FBXL7: variants seen among roughly 807,000 people sequenced by gnomAD.
The protein encoded by FBXL7 is F-box and leucine rich repeat protein 7.
In FBXL7, 12 loss-of-function variants were observed where a neutral mutation model predicts 38.3. The ratio of observed to expected loss-of-function variants is 0.31; its 90% CI spans 0.20 to 0.51. FBXL7 has a LOEUF of 0.51. Ranked by LOEUF, FBXL7 falls within the 20% of genes least tolerant of loss-of-function variation. The probability of loss-of-function intolerance (pLI) is 0.98; values close to 1 mark genes in which losing one functional copy is unlikely to be tolerated. For synonymous variants in FBXL7, 297 were observed against 300.9 expected (o/e 0.99, Z 0.13); for missense variants, 567 against 676.4 (o/e 0.84, Z 1.79).
At position 15,525,395 on chromosome 5, in the gene FBXL7, C is replaced by T. The variant is rs564631843; in HGVS notation, c.37+24682C>T. On this transcript the variant is annotated intron_variant, in intron 1 of 3. Coordinates refer to ENST00000504595, the MANE Select transcript of FBXL7 (RefSeq NM_012304.5). The stretch of plus-strand genomic sequence containing the variant: ...TTTAAAAAATCCCTAACAATGGTTT[C>T]GTTTTATTGTGATACCTTAGTCCTG... Among the ~76,000 whole-genome samples, 12 of 152,218 alleles carry T rather than the reference C, an allele frequency of 7.9e-5. No homozygotes were observed. In the South Asian group the frequency reaches 1.7e-3, roughly 21 times the overall value.
intron 1 of FBXL7, among the ~76,000 whole-genome samples, chr5:15,539,548 TGAGG>T (rs1355005372): frequency 6.6e-6 from 1 of 152,154 alleles, no homozygotes; most frequent in Admixed American, 6.5e-5. Flanking sequence ...CTTCTATTGA[TGAGG>T]GAGGCAGACT....
chr5:15,601,361 G>A (rs1318404279), intron 1 of FBXL7, among the ~76,000 whole-genome samples: 3 of 152,132 alleles, frequency 2.0e-5, no homozygotes, highest in African/African-American at 7.2e-5. Flanking sequence ...AAATTCTTGT[G>A]TTAATGCATG....
At chr5:15,791,380 CAAATA>C (rs1255195057) in intron 2 of FBXL7, among the ~76,000 whole-genome samples, 33 of 152,130 alleles carry the variant, frequency 2.2e-4, no homozygotes, top group Admixed American at 2.2e-3. Flanking sequence ...TTTGATAACT[CAAATA>C]AAAACTGTTT....
At position 15,500,630 on chromosome 5, in the gene FBXL7, C is replaced by G. The variant is rs376917463; in HGVS notation, c.-47C>G. On this transcript the variant is annotated 5_prime_UTR_variant, in exon 1 of 4. Transcript: ENST00000504595. Reference sequence around the variant, plus strand: ...CGGGCCGAGCGCGCAGGACGTGCGCCGCAGCTATGGAGTGTCCCGGGAGAC... The same window carrying G: ...CGGGCCGAGCGCGCAGGACGTGCGCGGCAGCTATGGAGTGTCCCGGGAGAC... The G allele has an allele frequency of 3.1e-6, 5 of 1,612,822 alleles. No individual in the cohort carries two copies. The highest frequency in any genetic ancestry group is 1.1e-5 in the South Asian group (1 of 91,060).
intron 2 of FBXL7, among the ~76,000 whole-genome samples, chr5:15,859,963 A>G (rs968539012): frequency 5.9e-5 from 9 of 152,242 alleles, no homozygotes; most frequent in Admixed American, 3.3e-4. Flanking sequence ...CTCTTTATCA[A>G]TAAAACTCAT....
intron 1 of FBXL7, among the ~76,000 whole-genome samples, chr5:15,589,034 G>GT (rs1739387605): frequency 1.3e-5 from 2 of 152,232 alleles, no homozygotes; most frequent in Admixed American, 6.5e-5. Context: ...TCTTGTTGTT[G>GT]TAACTAATAG....
intron 2 of FBXL7, among the ~76,000 whole-genome samples, chr5:15,654,947 C>T (rs13185548): frequency 0.35 from 52,907 of 152,004 alleles, 9,428 homozygotes; most frequent in East Asian, 0.5. Context: ...AGTATGTACA[C>T]GCTAGAAAAT....
chr5:15,711,949 T>TA (rs1743888880), intron 2 of FBXL7, among the ~76,000 whole-genome samples: 2 of 152,258 alleles, frequency 1.3e-5, no homozygotes, highest in South Asian at 4.2e-4. Context: ...CGAACCATAT[T>TA]AAAAAATAAA....
At chr5:15,723,498 A>G (rs1744259287) in intron 2 of FBXL7, among the ~76,000 whole-genome samples, 1 of 152,192 alleles carries the variant, frequency 6.6e-6, no homozygotes, top group South Asian at 2.1e-4. Flanking sequence ...CCATGGTATA[A>G]ATACTCCTAC....
chr5:15,564,556 A>G (rs565572573), intron 1 of FBXL7, among the ~76,000 whole-genome samples: 1 of 152,200 alleles, frequency 6.6e-6, no homozygotes, highest in Non-Finnish European at 1.5e-5. Context: ...AATAGCAGGA[A>G]ATGAAAAAGG....
chr5:15,711,917 G>T (rs1730799375), intron 2 of FBXL7, among the ~76,000 whole-genome samples: 1 of 152,066 alleles, frequency 6.6e-6, no homozygotes, highest in Admixed American at 6.6e-5. Flanking sequence ...CAGTAATACA[G>T]GTATAACATT....
rs1480592871 is a variant in FBXL7 at position 15,801,442 on chromosome 5, C to G, written c.128-126448C>G. On this transcript the variant is annotated intron_variant, in intron 2 of 3. Coordinates refer to ENST00000504595, the MANE Select transcript of FBXL7 (RefSeq NM_012304.5). The stretch of plus-strand genomic sequence containing the variant: ...TGTGTAATAAAAAAAGTCATTGGGT[C>G]AAAAGTGTAGCTTTCATTTTGACAA... 2.0e-5 allele frequency among the ~76,000 whole-genome samples: 3 copies of G among 152,194 alleles called. No homozygotes were observed. The East Asian group carries it at 5.8e-4, about 29-fold the overall frequency.
At chr5:15,742,400 G>A (rs144162068) in intron 2 of FBXL7, among the ~76,000 whole-genome samples, 1 of 152,176 alleles carries the variant, frequency 6.6e-6, no homozygotes, top group African/African-American at 2.4e-5. Context: ...TCAGAAACAG[G>A]TGTTTGGAAA....
rs751779048 is a variant in FBXL7 at position 15,927,974 on chromosome 5, G to A, written c.212G>A (p.Arg71Lys). The A allele has an allele frequency of 5.7e-6, 9 of 1,586,710 alleles. No individual in the cohort carries two copies. Among genetic ancestry groups the A allele is most frequent in the Non-Finnish European group, 7.7e-6 (9 of 1,164,440 alleles). ...PPNLPGFQNG[R>K]GSSTSSSSIT... ...AATCTCCCAGGATTTCAGAATGGAAGGGGCTCGTCCACCTCCTCGTCCTCC... is the reference window on the plus strand; with the variant it reads ...AATCTCCCAGGATTTCAGAATGGAAAGGGCTCGTCCACCTCCTCGTCCTCC... The change falls in exon 3 of 4, where the codon AGG (arginine) becomes AAG (lysine). Residue 71 changes from arginine (R) to lysine (K), a missense_variant. Coordinates refer to ENST00000504595, the MANE Select transcript of FBXL7 (RefSeq NM_012304.5).
At chr5:15,545,967 A>G (rs1328650579) in intron 1 of FBXL7, among the ~76,000 whole-genome samples, 5 of 152,234 alleles carry the variant, frequency 3.3e-5, no homozygotes, top group Non-Finnish European at 5.9e-5. Flanking sequence ...GTGCCTAATT[A>G]GAATCAAGAT....
chr5:15,673,781 T>TA (rs976308209), intron 2 of FBXL7, among the ~76,000 whole-genome samples: 53 of 148,330 alleles, frequency 3.6e-4, no homozygotes, highest in African/African-American at 1.3e-3. Context: ...TTATTATTAT[T>TA]TTTTTTTTTA....
intron 2 of FBXL7, among the ~76,000 whole-genome samples, chr5:15,870,236 G>A (rs186207988): frequency 6.6e-6 from 1 of 152,228 alleles, no homozygotes; most frequent in African/African-American, 2.4e-5. Flanking sequence ...GTGAGCCAGG[G>A]TTGAGTTTAA....
chr5:15,646,363 G>T lies in FBXL7; in HGVS notation c.127+30291G>T, dbSNP rs142162862. On this transcript the variant is annotated intron_variant, in intron 2 of 3. Transcript: ENST00000504595. Reference sequence around the variant, plus strand: ...ATCTTGCTTGGGGTTCTAACCTTAGGGTTATATTGCTAGTAAGTGGTCAAC... The same window carrying T: ...ATCTTGCTTGGGGTTCTAACCTTAGTGTTATATTGCTAGTAAGTGGTCAAC... Among the ~76,000 whole-genome samples the T allele has an allele frequency of 7.8e-3, 1,192 of 152,232 alleles. 9 individuals are homozygous for T. The highest frequency in any genetic ancestry group is 0.01 in the Non-Finnish European group (704 of 68,014).
chr5:15,544,042 T>C (rs1410417854), intron 1 of FBXL7, among the ~76,000 whole-genome samples: 6 of 152,180 alleles, frequency 3.9e-5, no homozygotes, highest in Non-Finnish European at 7.4e-5. Flanking sequence ...CTGCATAAGC[T>C]ACCCCTTAAT....
Sources: gnomAD v4.1 joint callset for allele counts (sites outside exome capture counted in the v4.1 genomes callset) on GRCh38, gnomAD v4.1.1 for gene constraint, MANE v1.5 for transcripts, NCBI Gene and HGNC (gene_info 2026-07-23, HGNC 2026-07-21) for gene names.